The following CD226 variants were observed in gnomAD, a reference collection of about 807,000 sequenced individuals.
CD226 encodes CD226 molecule.
CD226 carries 24 observed loss-of-function variants against 34.9 expected under a neutral mutation model. The ratio of observed to expected loss-of-function variants is 0.69; its 90% CI spans 0.50 to 0.97. CD226 has a LOEUF of 0.97. CD226 is among the 50% of genes least tolerant of loss of function. CD226 has a pLI of 0.00. For synonymous variants in CD226, 148 were observed against 147.4 expected (o/e 1.00, Z -0.03); for missense variants, 397 against 412.7 (o/e 0.96, Z 0.33).
rs1213411172 is a variant in CD226 at position 69,853,769 on chromosome 18, G to A, written c.*10545C>T. ...CTACAAATTTTCCTTATTACCTTTT[G>A]CCTCTGGACTTGAATATTTGTATAA... On this transcript the variant is annotated 3_prime_UTR_variant, in exon 6 of 6. Coordinates refer to ENST00000582621, the MANE Select transcript of CD226 (RefSeq NM_001303618.2). 1 of 152,034 alleles carries A rather than the reference G, an allele frequency of 6.6e-6. No homozygotes were observed. Among genetic ancestry groups the A allele is most frequent in the African/African-American group, 2.4e-5 (1 of 41,378 alleles). The allele number at this position is 152,034 out of a possible 1,614,324, so 9.4% of individuals were successfully genotyped here.
At chr18:69,936,744 G>A (rs3934439) in intron 2 of CD226, among the ~76,000 whole-genome samples, 118,244 of 152,138 alleles carry the variant, frequency 0.78, 52,165 homozygotes, top group East Asian at 1. Flanking sequence ...AGTTGACTTG[G>A]AATGACTTTT....
chr18:69,864,598 G>A (rs1983022777), intron 5 of CD226, among the ~76,000 whole-genome samples, 159 bp from the exon 6 acceptor site: 2 of 152,070 alleles, frequency 1.3e-5, no homozygotes, highest in African/African-American at 4.8e-5. Flanking sequence ...AACTTCTGTT[G>A]GAAATCATAT....
Position 69,860,267 on chromosome 18 carries a change from G to A in CD226, c.*4047C>T, listed in dbSNP as rs759270613. ...TGTGTTTTATTCATTCAAAACAACA[G>A]AATACAAGACAAAGGAAAATATTTC... is the stretch of plus-strand genomic sequence containing the variant. On this transcript the variant is annotated 3_prime_UTR_variant, in exon 6 of 6. Transcript: ENST00000582621. The A allele has an allele frequency of 6.6e-6, 1 of 151,984 alleles. No homozygotes were observed. Among genetic ancestry groups the A allele is most frequent in the African/African-American group, 2.4e-5 (1 of 41,416 alleles). 9.4% of individuals were successfully genotyped at this position (151,984 alleles called of 1,614,324 possible).
At position 69,947,025 on chromosome 18, in the gene CD226, C is replaced by T. The variant is rs193218979; in HGVS notation, c.91G>A (p.Glu31Lys). The T allele has an allele frequency of 2.5e-5, 40 of 1,614,072 alleles. No individual in the cohort carries two copies. The highest frequency in any genetic ancestry group is 2.3e-4 in the Admixed American group (14 of 60,018). Residue 31 changes from glutamate (E) to lysine (K), a missense_variant, in exon 2 of 6, where the codon GAG becomes AAG. Physicochemically the swap from Glu to Lys is moderately conservative, Grantham distance 56. Coordinates refer to ENST00000582621, the MANE Select transcript of CD226 (RefSeq NM_001303618.2). The stretch of plus-strand genomic sequence containing the variant: ...TACACACATTCTAGAGACATGTTCT[C>T]GGCAAAGGGAACTGATGTATGCCAA... ...VLWHTSVPFA[E>K]NMSLECVYPS...
At chr18:69,900,323 C>CT (rs1475913190) in intron 2 of CD226, among the ~76,000 whole-genome samples, 10 of 146,950 alleles carry the variant, frequency 6.8e-5, no homozygotes, top group South Asian at 2.2e-4. Flanking sequence ...AAAGAGAACT[C>CT]TTAGTTACTG....
chr18:69,923,736 G>A (rs1370061802), intron 2 of CD226, among the ~76,000 whole-genome samples: 6 of 151,996 alleles, frequency 3.9e-5, no homozygotes, highest in South Asian at 2.1e-4. Flanking sequence ...GGCGGATCAC[G>A]AGGTCAGGAG....
chr18:69,893,456 T>A (rs944780160), intron 3 of CD226, among the ~76,000 whole-genome samples: 1 of 152,080 alleles, frequency 6.6e-6, no homozygotes, highest in African/African-American at 2.4e-5. Context: ...CTCTATAATT[T>A]AAGATGTTTA....
Position 69,859,470 on chromosome 18 carries a change from A to T in CD226, c.*4844T>A, listed in dbSNP as rs1982711799. ...ATAAATGCCAAATATTGATATAATC[A>T]TATTTTAATACAAATATTTCTGAAA... On this transcript the variant is annotated 3_prime_UTR_variant, in exon 6 of 6. Transcript: ENST00000582621. 6.6e-6 allele frequency: 1 copy of T among 152,198 alleles called. No homozygotes were observed. The highest frequency in any genetic ancestry group is 1.5e-5 in the Non-Finnish European group (1 of 68,030). 9.4% of individuals were successfully genotyped at this position (152,198 alleles called of 1,614,324 possible).
chr18:69,960,701 C>T (rs554994323), upstream of CD226, among the ~76,000 whole-genome samples: 18 of 152,324 alleles, frequency 1.2e-4, no homozygotes, highest in Non-Finnish European at 1.8e-4. Context: ...CCGCCTGCCT[C>T]GGCCTCCCAA....
At chr18:69,921,308 G>T (rs568280130) in intron 2 of CD226, among the ~76,000 whole-genome samples, 2 of 152,038 alleles carry the variant, frequency 1.3e-5, no homozygotes, top group African/African-American at 4.8e-5. Flanking sequence ...TCCATGCCCC[G>T]TGCAGGTTGT....
rs1057157438 is a variant in CD226 at position 69,889,146 on chromosome 18, CTA to C, written c.727+6553_727+6554del. 2.4e-4 allele frequency among the ~76,000 whole-genome samples: 36 copies of C among 151,992 alleles called. 1 individual carries two copies. The highest frequency in any genetic ancestry group is 6.5e-4 in the African/African-American group (27 of 41,438). The stretch of plus-strand genomic sequence containing the variant: ...ATCAACTCACTTGTGATGCTGGAAA[CTA>C]TGTTTCATCTGGATACCCAGTTTCA... On this transcript the variant is annotated intron_variant, in intron 3 of 5. Transcript: ENST00000582621.
At chr18:69,872,205 A>T (rs1212062382) in intron 4 of CD226, among the ~76,000 whole-genome samples, 1 of 152,064 alleles carries the variant, frequency 6.6e-6, no homozygotes, top group East Asian at 1.9e-4. Context: ...AGACATCAAA[A>T]GTGTGGTCCC....
intron 3 of CD226, among the ~76,000 whole-genome samples, chr18:69,880,328 GAGAGAAAGAA>G (rs1201135225): frequency 3.5e-5 from 2 of 57,342 alleles, no homozygotes; most frequent in South Asian, 8.8e-4. Flanking sequence ...GAAAAAGAAA[GAGAGAAAGAA>G]AGAAAGAAAG....
At chr18:69,960,375 ACATCT>A (rs1358470706), upstream of CD226, among the ~76,000 whole-genome samples, 1 of 152,202 alleles carries the variant, frequency 6.6e-6, no homozygotes, top group Non-Finnish European at 1.5e-5. Flanking sequence ...TGCAGAACAA[ACATCT>A]CAGTTTCCTC....
chr18:69,933,392 CT>C (rs748646667), intron 2 of CD226, among the ~76,000 whole-genome samples: 1 of 152,198 alleles, frequency 6.6e-6, no homozygotes, highest in Non-Finnish European at 1.5e-5. Context: ...TTGTGATGCA[CT>C]TTCCTGTTTG....
chr18:69,887,678 T>C (rs188880026), intron 3 of CD226, among the ~76,000 whole-genome samples: 17 of 152,324 alleles, frequency 1.1e-4, no homozygotes, highest in African/African-American at 3.8e-4. Flanking sequence ...TTGATACTTG[T>C]GAAAGACTCT....
rs760517403 is a variant in CD226, at chr18:69,873,255, GAA to G, written c.728-11_728-10del. On this transcript the variant is annotated splice_polypyrimidine_tract_variant and intron_variant, in intron 3 of 5. Coordinates refer to ENST00000582621, the MANE Select transcript of CD226 (RefSeq NM_001303618.2). ...TTGGTTATCGGTTTTACCTAGGAGA[GAA>G]AAAAAATATTGTAGGAATTAGGAAT... 7.1e-7 allele frequency: 1 copy of G among 1,417,262 alleles called. No individual in the cohort carries two copies. Among genetic ancestry groups the G allele is most frequent in the Non-Finnish European group, 9.8e-7 (1 of 1,017,608 alleles). The allele number at this position is 1,417,262 out of a possible 1,614,324, so 87.8% of individuals were successfully genotyped here. A position where few individuals can be genotyped will look rare whatever the true frequency, so the allele number is the denominator to read the frequency against.
chr18:69,900,493 G>A (rs943558167), intron 2 of CD226, among the ~76,000 whole-genome samples: 1 of 152,122 alleles, frequency 6.6e-6, no homozygotes, highest in Non-Finnish European at 1.5e-5. Flanking sequence ...AGCACTTTGC[G>A]AGGCCGAGGC....
chr18:69,891,148 T>A (rs1015581706), intron 3 of CD226, among the ~76,000 whole-genome samples: 1 of 152,106 alleles, frequency 6.6e-6, no homozygotes, highest in Admixed American at 6.5e-5. Flanking sequence ...TTCTGATTTA[T>A]CCCTGGCATG....
Sources: gnomAD v4.1 joint callset for allele counts (sites outside exome capture counted in the v4.1 genomes callset) on GRCh38, gnomAD v4.1.1 for gene constraint, MANE v1.5 for transcripts, NCBI Gene and HGNC (gene_info 2026-07-23, HGNC 2026-07-21) for gene names.